The following SLC71A1 variants were observed in gnomAD, a reference collection of about 807,000 sequenced individuals.
SLC71A1 encodes the protein solute carrier family 71 member 1.
the SLC71A1 span, among the ~76,000 whole-genome samples, chr1:100,061,498 A>C: frequency 6.6e-6 from 1 of 152,196 alleles, no homozygotes; most frequent in African/African-American, 2.4e-5. Flanking sequence ...AAAAACAGTA[A>C]TGGATGGATT....
chr1:100,068,120 A>G, the SLC71A1 span: 3 of 1,614,218 alleles, frequency 1.9e-6, no homozygotes, highest in South Asian at 1.1e-5. Context: ...TTGCTGTGCC[A>G]GAGTCGTTGC....
the SLC71A1 span, chr1:100,078,665 G>T: frequency 1.5e-6 from 1 of 687,496 alleles, no homozygotes. Flanking sequence ...TTTTAAAATT[G>T]CTTTTGATAT....
chr1:100,051,955 G>A, the SLC71A1 span, among the ~76,000 whole-genome samples: 2 of 152,104 alleles, frequency 1.3e-5, no homozygotes, highest in Non-Finnish European at 2.9e-5. Flanking sequence ...ATACAGATGA[G>A]GAAACCGGGG....
At chr1:100,067,757 C>T in the SLC71A1 span, among the ~76,000 whole-genome samples, 2 of 152,108 alleles carry the variant, frequency 1.3e-5, no homozygotes, top group East Asian at 3.9e-4. Context: ...CTACAGTGAG[C>T]CGTGATGGCA....
At chr1:100,072,892 C>A in the SLC71A1 span, among the ~76,000 whole-genome samples, 1 of 152,134 alleles carries the variant, frequency 6.6e-6, no homozygotes, top group Non-Finnish European at 1.5e-5. Flanking sequence ...TCCTATCCAG[C>A]CCTCTCTGTG....
At chr1:100,056,210 C>T in the SLC71A1 span, among the ~76,000 whole-genome samples, 1 of 152,180 alleles carries the variant, frequency 6.6e-6, no homozygotes, top group African/African-American at 2.4e-5. Flanking sequence ...TCTGCTCTGT[C>T]TCCATGAGTT....
the SLC71A1 span, among the ~76,000 whole-genome samples, chr1:100,049,418 C>T: frequency 6.6e-6 from 1 of 151,014 alleles, no homozygotes; most frequent in Non-Finnish European, 1.5e-5. Context: ...CTCCCCATGG[C>T]CTTCAGAATT....
At chr1:100,049,872 C>CT in the SLC71A1 span, 1 of 1,122,038 alleles carries the variant, frequency 8.9e-7, no homozygotes, top group Non-Finnish European at 1.3e-6. Context: ...GTACTGTTAA[C>CT]TTTTTTTAAC....
chr1:100,055,305 G>T, the SLC71A1 span, among the ~76,000 whole-genome samples: 8 of 151,456 alleles, frequency 5.3e-5, no homozygotes, highest in South Asian at 4.2e-4. Flanking sequence ...TTAGCACAAG[G>T]ACTGGGAAAA....
the SLC71A1 span, among the ~76,000 whole-genome samples, chr1:100,048,312 T>C: frequency 6.6e-5 from 10 of 152,114 alleles, no homozygotes; most frequent in Admixed American, 6.5e-4. Flanking sequence ...TCTGAGTAGC[T>C]GGGATTACAG....
chr1:100,068,233 T>A, the SLC71A1 span: 2 of 1,512,984 alleles, frequency 1.3e-6, no homozygotes, highest in Non-Finnish European at 1.8e-6. Flanking sequence ...GATAAAAAAG[T>A]GCATGATTCA....
the SLC71A1 span, among the ~76,000 whole-genome samples, chr1:100,046,082 G>A: frequency 6.6e-6 from 1 of 151,864 alleles, no homozygotes; most frequent in Non-Finnish European, 1.5e-5. Flanking sequence ...TAAATGCATG[G>A]ATTTATTTCT....
At chr1:100,046,212 GTT>G in the SLC71A1 span, among the ~76,000 whole-genome samples, 905 of 54,114 alleles carry the variant, frequency 0.017, 28 homozygotes, top group African/African-American at 0.051. Flanking sequence ...TCCAAGCCTC[GTT>G]TTTTTTTTTT....
the SLC71A1 span, among the ~76,000 whole-genome samples, chr1:100,073,822 C>T: frequency 2.0e-5 from 3 of 152,118 alleles, no homozygotes; most frequent in Admixed American, 6.5e-5. Flanking sequence ...TGCCATCTTG[C>T]TTAAGTCATT....
At chr1:100,040,772 A>G in the SLC71A1 span, among the ~76,000 whole-genome samples, 1 of 152,098 alleles carries the variant, frequency 6.6e-6, no homozygotes, top group African/African-American at 2.4e-5. Context: ...AACATTTTTT[A>G]AGAAAGGGGA....
chr1:100,059,144 GTTTTTTTTT>G, the SLC71A1 span, among the ~76,000 whole-genome samples: 9 of 75,416 alleles, frequency 1.2e-4, no homozygotes, highest in Admixed American at 2.8e-4. Context: ...TCTTTTTCGT[GTTTTTTTTT>G]TTTTTTTTTT....
chr1:100,051,624 G>A, the SLC71A1 span, among the ~76,000 whole-genome samples: 1 of 152,024 alleles, frequency 6.6e-6, no homozygotes, highest in African/African-American at 2.4e-5. Context: ...ACCTGTTTTT[G>A]TCAAGGGTTA....
At chr1:100,071,959 G>A in the SLC71A1 span, among the ~76,000 whole-genome samples, 4 of 152,190 alleles carry the variant, frequency 2.6e-5, no homozygotes, top group Admixed American at 2.0e-4. Context: ...CAGTAAGACC[G>A]CAAAGGTGCA....
the SLC71A1 span, among the ~76,000 whole-genome samples, chr1:100,047,195 G>A: frequency 6.6e-6 from 1 of 152,140 alleles, no homozygotes; most frequent in Non-Finnish European, 1.5e-5. Context: ...CTCTGTGTCT[G>A]TCATATATGG....
Sources: allele counts gnomAD v4.1 joint callset (sites outside exome capture counted in the v4.1 genomes callset), GRCh38; gene constraint gnomAD v4.1.1; transcripts MANE v1.5; gene names NCBI Gene and HGNC (gene_info 2026-07-23, HGNC 2026-07-21).